The following NCKAP5 variants were observed in gnomAD, a reference collection of about 807,000 sequenced individuals.
NCKAP5 encodes nck-associated protein 5.
A neutral mutation model predicts 167.0 loss-of-function variants in NCKAP5; 92 were observed. The ratio of observed to expected loss-of-function variants is 0.55; its 90% CI spans 0.47 to 0.66. NCKAP5 has a LOEUF of 0.66. Among genes scored for constraint, NCKAP5 ranks in the 30% least tolerant of loss-of-function variants. NCKAP5 has a pLI of 0.00. For missense variants in NCKAP5, 2,378 were observed against 2,315.0 expected (o/e 1.03, Z -0.56); for synonymous variants, 891 against 877.4 (o/e 1.02, Z -0.27).
chr2:132,723,414 G>A (rs1420976972), intron 19 of NCKAP5, among the ~76,000 whole-genome samples: 3 of 149,996 alleles, frequency 2.0e-5, no homozygotes, highest in Admixed American at 6.6e-5. Flanking sequence ...TACCCGGCTC[G>A]GCCTCCCAAA....
At chr2:133,546,948 G>A (rs990362984) in intron 2 of NCKAP5, among the ~76,000 whole-genome samples, 1 of 152,176 alleles carries the variant, frequency 6.6e-6, no homozygotes, top group Non-Finnish European at 1.5e-5. Flanking sequence ...GGTGATTTCT[G>A]CATTTCCATC....
At chr2:133,434,552 T>G (rs72846352) in intron 3 of NCKAP5, among the ~76,000 whole-genome samples, 4 of 152,162 alleles carry the variant, frequency 2.6e-5, no homozygotes, top group African/African-American at 9.7e-5. Flanking sequence ...ATGGGGTTTA[T>G]AGTGACAATA....
chr2:133,622,554 CAAAAACAAAAAG>C, the NCKAP5 span, among the ~76,000 whole-genome samples: 4 of 151,296 alleles, frequency 2.6e-5, no homozygotes, highest in African/African-American at 9.7e-5. Context: ...AACACAAAAA[CAAAAACAAAAAG>C]AAAAACAAAA....
intron 4 of NCKAP5, among the ~76,000 whole-genome samples, chr2:133,255,975 G>C (rs1386694610): frequency 1.3e-5 from 2 of 152,032 alleles, no homozygotes; most frequent in Non-Finnish European, 2.9e-5. Flanking sequence ...AAGGCCCCAA[G>C]TCTGTATATA....
At chr2:132,733,561 CTG>C (rs1691227792) in intron 16 of NCKAP5, among the ~76,000 whole-genome samples, 1 of 152,184 alleles carries the variant, frequency 6.6e-6, no homozygotes. Context: ...ACTAAGCACA[CTG>C]TGAGACAGCC....
chr2:132,768,940 T>C (rs1375157792), intron 16 of NCKAP5, among the ~76,000 whole-genome samples: 104 of 83,454 alleles, frequency 1.2e-3, no homozygotes, highest in African/African-American at 6.2e-3. Flanking sequence ...CACCTGGCCC[T>C]TTTTTTTTTT....
At chr2:132,805,675 G>A (rs1225332975) in intron 11 of NCKAP5, among the ~76,000 whole-genome samples, 1 of 147,276 alleles carries the variant, frequency 6.8e-6, no homozygotes, top group African/African-American at 2.5e-5. Context: ...AAAAAAAAAT[G>A]AACATTTATA....
At position 133,216,943 on chromosome 2, in the gene NCKAP5, A is replaced by G. The variant is rs190288907; in HGVS notation, c.144-3164T>C. On this transcript the variant is annotated intron_variant, in intron 4 of 19. Transcript: ENST00000409261. ...CTTTGATTAAAAAACTTCGCAAAAC[A>G]TGTATTTTTAAAAACCAACTGGCTC... 3.3e-5 allele frequency among the ~76,000 whole-genome samples: 5 copies of G among 152,236 alleles called. No homozygotes were observed. The East Asian group carries it at 9.6e-4, about 29-fold the overall frequency.
intron 3 of NCKAP5, among the ~76,000 whole-genome samples, chr2:133,389,798 G>A (rs1687268358): frequency 6.6e-6 from 1 of 152,140 alleles, no homozygotes; most frequent in Non-Finnish European, 1.5e-5. Context: ...AGACTCCAAT[G>A]TTGAGCAATG....
intron 5 of NCKAP5, among the ~76,000 whole-genome samples, chr2:133,196,783 C>T (rs1418881411): frequency 2.0e-5 from 3 of 152,074 alleles, no homozygotes; most frequent in Non-Finnish European, 4.4e-5. Flanking sequence ...GGAAAGGGAG[C>T]CCCAAAGGAT....
chr2:133,264,831 GAGA>G (rs1297317590), intron 4 of NCKAP5: 4 of 152,236 alleles, frequency 2.6e-5, no homozygotes, highest in African/African-American at 9.6e-5. Flanking sequence ...GGATGGCTCA[GAGA>G]AGGAGGCTGC....
chr2:133,304,652 G>A (rs1680645771), intron 3 of NCKAP5, among the ~76,000 whole-genome samples: 3 of 152,260 alleles, frequency 2.0e-5, no homozygotes, highest in East Asian at 1.9e-4. Flanking sequence ...AACTAAATAC[G>A]TTGTTCCCAA....
chr2:132,741,407 G>A lies in NCKAP5; in HGVS notation c.5129-9356C>T, dbSNP rs1010080763. Among the ~76,000 whole-genome samples, 22 of 152,082 alleles carry A rather than the reference G, an allele frequency of 1.4e-4. 1 individual carries two copies. The highest frequency in any genetic ancestry group is 9.8e-4 in the Admixed American group (15 of 15,254). On this transcript the variant is annotated intron_variant, in intron 16 of 19. Transcript: ENST00000409261. ...TTGTACACAGTACTTACTGTGATAC[G>A]TAAGAGTGGGCTAATGTGACCACTA...
rs371716394 is a variant in NCKAP5 at position 133,244,672 on chromosome 2, A to C, written c.144-30893T>G. On this transcript the variant is annotated intron_variant, in intron 4 of 19. Coordinates refer to ENST00000409261, the MANE Select transcript of NCKAP5 (RefSeq NM_207363.3). ...GGAGCTAGAAAGAGACTCACAGTTA[A>C]GACTGTCACTTGATATACAACAAGA... 2.6e-4 allele frequency among the ~76,000 whole-genome samples: 40 copies of C among 152,328 alleles called. 1 individual carries two copies. The East Asian group carries it at 4.1e-3, about 15-fold the overall frequency.
chr2:133,381,990 C>A (rs1377721646), intron 3 of NCKAP5, among the ~76,000 whole-genome samples: 1 of 152,218 alleles, frequency 6.6e-6, no homozygotes, highest in Admixed American at 6.5e-5. Context: ...GTTCTTAGAT[C>A]TCCCCAAGGT....
At chr2:132,805,498 A>G (rs1238864914) in intron 11 of NCKAP5, among the ~76,000 whole-genome samples, 1 of 152,164 alleles carries the variant, frequency 6.6e-6, no homozygotes, top group Non-Finnish European at 1.5e-5. Flanking sequence ...TCATTCATTC[A>G]TTTACTTAAA....
At chr2:133,102,743 A>AC (rs2081556827) in intron 6 of NCKAP5, among the ~76,000 whole-genome samples, 2 of 123,038 alleles carry the variant, frequency 1.6e-5, no homozygotes, top group Non-Finnish European at 1.6e-5. Flanking sequence ...ACAAGCATGT[A>AC]AACACACACA....
chr2:132,733,608 G>A (rs1313321417), intron 16 of NCKAP5, among the ~76,000 whole-genome samples: 1 of 152,180 alleles, frequency 6.6e-6, no homozygotes, highest in African/African-American at 2.4e-5. Context: ...AATGCACAAA[G>A]TATTTAGTAT....
intron 6 of NCKAP5, among the ~76,000 whole-genome samples, chr2:133,074,294 A>G (rs1235503747): frequency 6.6e-6 from 1 of 152,252 alleles, no homozygotes; most frequent in Non-Finnish European, 1.5e-5. Context: ...CATGAAAAAA[A>G]AAACAAGAAC....
Sources: allele counts gnomAD v4.1 joint callset (sites outside exome capture counted in the v4.1 genomes callset), GRCh38; gene constraint gnomAD v4.1.1; transcripts MANE v1.5; gene names NCBI Gene and HGNC (gene_info 2026-07-23, HGNC 2026-07-21).